DIS3L2: variants seen among roughly 807,000 people sequenced by gnomAD.
DIS3L2 encodes the protein DIS3 like 3'-5' exoribonuclease 2.
In DIS3L2, 34 loss-of-function variants were observed where a neutral mutation model predicts 97.5. The observed-to-expected ratio is 0.35, with a 90% CI of 0.27 to 0.46. The LOEUF is 0.46. Among genes scored for constraint, DIS3L2 ranks in the 20% least tolerant of loss-of-function variants. DIS3L2 has a pLI of 1.00. For missense variants in DIS3L2, 1,038 were observed against 1,146.0 expected (o/e 0.91, Z 1.36); for synonymous variants, 435 against 445.2 (o/e 0.98, Z 0.29).
intron 3 of DIS3L2, among the ~76,000 whole-genome samples, chr2:232,016,375 G>A (rs1433765990): frequency 6.6e-6 from 1 of 152,188 alleles, no homozygotes; most frequent in Non-Finnish European, 1.5e-5. Context: ...CAGCCCAGTG[G>A]TGGGAGGCAG....
intron 6 of DIS3L2, among the ~76,000 whole-genome samples, chr2:232,124,264 TA>T (rs1276065866): frequency 1.3e-5 from 2 of 150,920 alleles, no homozygotes; most frequent in Non-Finnish European, 3.0e-5. Context: ...CACCACAGTC[TA>T]AAAAAAAAGT....
At chr2:232,259,629 G>C (rs907458506) in intron 12 of DIS3L2, among the ~76,000 whole-genome samples, 2 of 151,848 alleles carry the variant, frequency 1.3e-5, no homozygotes, top group African/African-American at 4.8e-5. Context: ...TGTTTGTTTT[G>C]TTTTTTTGAG....
At chr2:232,149,112 T>C (rs1690314985) in intron 8 of DIS3L2, among the ~76,000 whole-genome samples, 1 of 150,252 alleles carries the variant, frequency 6.7e-6, no homozygotes, top group African/African-American at 2.5e-5. Flanking sequence ...TGCGTGAAAA[T>C]GAGATGCCAA....
intron 5 of DIS3L2, among the ~76,000 whole-genome samples, chr2:232,067,891 A>G (rs903942994): frequency 1.1e-4 from 16 of 152,104 alleles, no homozygotes; most frequent in African/African-American, 3.9e-4. Flanking sequence ...TTTTTCTTGA[A>G]TCACTGTGTC....
At chr2:232,336,007 G>T in intron 20 of DIS3L2, 133 bp downstream of exon 20, 1 of 1,523,110 alleles carries the variant, frequency 6.6e-7, no homozygotes, top group Non-Finnish European at 8.8e-7. Context: ...GGGTTTTAGG[G>T]CCCTCCCAGC....
At chr2:231,984,853 T>C (rs1262664764) in intron 1 of DIS3L2, among the ~76,000 whole-genome samples, 1 of 152,168 alleles carries the variant, frequency 6.6e-6, no homozygotes, top group East Asian at 1.9e-4. Context: ...ACTCCTGACC[T>C]CAAGTTATCT....
chr2:232,210,707 A>C (rs1299107305), intron 10 of DIS3L2, among the ~76,000 whole-genome samples: 1 of 152,218 alleles, frequency 6.6e-6, no homozygotes, highest in Non-Finnish European at 1.5e-5. Context: ...AGATGGTTCC[A>C]GTGTTGGTGT....
In DIS3L2 at chr2:232,209,293, A is replaced by G. The variant is rs116139124; in HGVS notation, c.1125-1033A>G. On this transcript the variant is annotated intron_variant, in intron 9 of 20. Coordinates refer to ENST00000325385, the MANE Select transcript of DIS3L2 (RefSeq NM_152383.5). Reference sequence around the variant, plus strand: ...GCCTCTGAAGACAGGGTCTCGCTCTATTGTCCAGGCTGGAGTGCAGTGGCC... The same window carrying G: ...GCCTCTGAAGACAGGGTCTCGCTCTGTTGTCCAGGCTGGAGTGCAGTGGCC... Among the ~76,000 whole-genome samples the G allele has an allele frequency of 4.2e-3, 644 of 152,190 alleles. 7 individuals are homozygous for G. Among genetic ancestry groups the G allele is most frequent in the African/African-American group, 0.015 (613 of 41,526 alleles).
chr2:232,068,669 T>C (rs1695922310), intron 5 of DIS3L2, among the ~76,000 whole-genome samples: 1 of 152,088 alleles, frequency 6.6e-6, no homozygotes, highest in Non-Finnish European at 1.5e-5. Flanking sequence ...GGTTAATTTC[T>C]TAATACTAAA....
intron 6 of DIS3L2, among the ~76,000 whole-genome samples, chr2:232,095,051 G>C (rs1319676249): frequency 1.3e-5 from 2 of 152,014 alleles, no homozygotes; most frequent in Non-Finnish European, 2.9e-5. Flanking sequence ...GTCTTTATAG[G>C]TGAAGTGTGT....
Position 232,336,749 on chromosome 2 carries a change from T to C in DIS3L2, c.*119T>C. 6.7e-7 allele frequency: 1 copy of C among 1,486,342 alleles called. No homozygotes were observed. The allele number at this position is 1,486,342 out of a possible 1,614,324, so 92.1% of individuals were successfully genotyped here. On this transcript the variant is annotated 3_prime_UTR_variant, in exon 21 of 21. Coordinates refer to ENST00000325385, the MANE Select transcript of DIS3L2 (RefSeq NM_152383.5). ...TTTTTAACAACTCAGGGGTTTGTTTTTATTTTTATTTAATTTTTGCAGCTC... is the reference window on the plus strand; with the variant it reads ...TTTTTAACAACTCAGGGGTTTGTTTCTATTTTTATTTAATTTTTGCAGCTC...
intron 1 of DIS3L2, among the ~76,000 whole-genome samples, chr2:231,996,330 A>C (rs1693730295): frequency 6.6e-6 from 1 of 152,214 alleles, no homozygotes; most frequent in Non-Finnish European, 1.5e-5. Flanking sequence ...TGTCTGTCAT[A>C]GAAACTGGAT....
At chr2:232,119,264 A>G (rs1226382966) in intron 6 of DIS3L2, among the ~76,000 whole-genome samples, 1 of 152,232 alleles carries the variant, frequency 6.6e-6, no homozygotes. Flanking sequence ...ACTCGCTCAG[A>G]TGACTTAACA....
intron 14 of DIS3L2, among the ~76,000 whole-genome samples, chr2:232,318,061 G>A (rs1695326056): frequency 6.6e-6 from 1 of 152,202 alleles, no homozygotes; most frequent in African/African-American, 2.4e-5. Context: ...GCTGCCCTCT[G>A]GGCTCTGTTA....
chr2:232,276,160 C>T lies in DIS3L2; in HGVS notation c.1659+12720C>T, dbSNP rs756636185. On this transcript the variant is annotated intron_variant, in intron 13 of 20. Coordinates refer to ENST00000325385, the MANE Select transcript of DIS3L2 (RefSeq NM_152383.5). The surrounding 1 kb of genome is among the most constrained non-coding windows in gnomAD (Gnocchi z 4.4). ...CTTGTCAGCATGAGGCTGGTAGCCTCCTAAATAAGAAGATGTGCTAATGAA... is the reference window on the plus strand; with the variant it reads ...CTTGTCAGCATGAGGCTGGTAGCCTTCTAAATAAGAAGATGTGCTAATGAA... Among the ~76,000 whole-genome samples, 27 of 152,208 alleles carry T rather than the reference C, an allele frequency of 1.8e-4. No individual in the cohort carries two copies. Among genetic ancestry groups the T allele is most frequent in the Non-Finnish European group, 3.2e-4 (22 of 68,032 alleles).
intron 14 of DIS3L2, among the ~76,000 whole-genome samples, chr2:232,314,177 G>T (rs890991895): frequency 2.6e-5 from 4 of 152,212 alleles, no homozygotes; most frequent in Admixed American, 6.5e-5. Context: ...AGCACCCACT[G>T]GGCCCAGTAT....
chr2:232,302,733 G>A (rs1694890270), intron 14 of DIS3L2, among the ~76,000 whole-genome samples: 2 of 151,716 alleles, frequency 1.3e-5, no homozygotes, highest in Non-Finnish European at 2.9e-5. Context: ...GCTAAATTTT[G>A]TATTTTTAGT....
At chr2:232,191,516 C>T (rs1574936483) in intron 9 of DIS3L2, among the ~76,000 whole-genome samples, 1 of 152,156 alleles carries the variant, frequency 6.6e-6, no homozygotes, top group South Asian at 2.1e-4. Flanking sequence ...TAAAAAATCA[C>T]AAGAACCATT....
intron 1 of DIS3L2, among the ~76,000 whole-genome samples, chr2:232,007,668 A>G (rs1340147183): frequency 1.3e-5 from 2 of 152,248 alleles, no homozygotes; most frequent in Non-Finnish European, 2.9e-5. Flanking sequence ...TATTTTGAAC[A>G]ACATTCTACT....
Sources: allele counts gnomAD v4.1 joint callset (sites outside exome capture counted in the v4.1 genomes callset), GRCh38; gene constraint gnomAD v4.1.1; non-coding constraint Gnocchi (gnomAD v3.1); transcripts MANE v1.5; gene names NCBI Gene and HGNC (gene_info 2026-07-23, HGNC 2026-07-21).